Variants in GSN observed in about 807,000 individuals in gnomAD.
GSN encodes the protein actin-depolymerizing factor.
Under a neutral mutation model 85.7 loss-of-function variants are expected in GSN, and 56 were observed. The observed-to-expected ratio is 0.65, with a 90% CI of 0.53 to 0.82. GSN has a LOEUF of 0.82. Among genes scored for constraint, GSN ranks in the 40% least tolerant of loss-of-function variants. The pLI is 0.00. For missense variants in GSN, 857 were observed against 979.8 expected (o/e 0.87, Z 1.67); for synonymous variants, 373 against 399.1 (o/e 0.93, Z 0.78).
At chr9:121,219,867 C>CCTTT (rs1355986638) in intron 4 of GSN, among the ~76,000 whole-genome samples, 1 of 152,032 alleles carries the variant, frequency 6.6e-6, no homozygotes, top group Admixed American at 6.6e-5. Flanking sequence ...CCTACACTCC[C>CCTTT]CTTTCTTTTT....
intron 4 of GSN, among the ~76,000 whole-genome samples, chr9:121,211,596 A>G (rs1365444181): frequency 5.9e-5 from 9 of 152,214 alleles, no homozygotes; most frequent in Admixed American, 5.9e-4. Context: ...ACTGGGAATG[A>G]GAGCTTGAGG....
rs545210484 is a variant in GSN, at chr9:121,268,971, G to T, written c.-103+752G>T. 3.6e-3 allele frequency among the ~76,000 whole-genome samples: 555 copies of T among 152,346 alleles called. 6 individuals are homozygous for T. The highest frequency in any genetic ancestry group is 6.8e-3 in the Middle Eastern group (2 of 294). On this transcript the variant is annotated intron_variant, in intron 1 of 17. Transcript: ENST00000432226. ...AGGGGGAAGCCCCAGTCCTTGGAAG[G>T]CTGGGGGCTGGGGGTGTGGGTGAGC...
At chr9:121,265,939 G>C (rs767291348), upstream of GSN, among the ~76,000 whole-genome samples, 1 of 152,164 alleles carries the variant, frequency 6.6e-6, no homozygotes. Flanking sequence ...AAAGCACCAG[G>C]AGATTTCTAG....
At chr9:121,298,995 A>G (rs997100003) in intron 2 of GSN, among the ~76,000 whole-genome samples, 4 of 152,120 alleles carry the variant, frequency 2.6e-5, no homozygotes, top group Admixed American at 6.5e-5. Context: ...AAACAAAACA[A>G]CTTCAGGAAG....
At chr9:121,258,655 G>A (rs1307440622) in intron 6 of GSN, among the ~76,000 whole-genome samples, 1 of 151,904 alleles carries the variant, frequency 6.6e-6, no homozygotes, top group Admixed American at 6.6e-5. Context: ...CTCGTTAAAA[G>A]GCTACTCCAG....
the GSN span, among the ~76,000 whole-genome samples, chr9:121,202,056 G>A: frequency 6.6e-6 from 1 of 152,178 alleles, no homozygotes; most frequent in Non-Finnish European, 1.5e-5. Context: ...CCCGCCCCAC[G>A]GGCGCTCGCG....
chr9:121,224,197 C>T (rs1160517871), intron 4 of GSN, among the ~76,000 whole-genome samples: 3 of 150,828 alleles, frequency 2.0e-5, no homozygotes, highest in Non-Finnish European at 3.0e-5. Flanking sequence ...CCCATGTTCA[C>T]GCCATTCTCC....
upstream of GSN, among the ~76,000 whole-genome samples, chr9:121,206,067 G>A (rs1036206306): frequency 4.6e-5 from 7 of 151,512 alleles, no homozygotes; most frequent in African/African-American, 1.5e-4. Context: ...TAAAATACTG[G>A]TGTCCCAATT....
At chr9:121,312,289 G>A (rs889801359) in intron 5 of GSN, 50 bp from the exon 6 acceptor site, 5 of 1,600,254 alleles carry the variant, frequency 3.1e-6, no homozygotes, top group Non-Finnish European at 4.3e-6. Context: ...GTCGCTGGGC[G>A]GGGCTTATAG....
At chr9:121,231,891 A>G (rs1401759143) in intron 5 of GSN, among the ~76,000 whole-genome samples, 1 of 151,882 alleles carries the variant, frequency 6.6e-6, no homozygotes, top group Admixed American at 6.6e-5. Context: ...ACATGGTGAA[A>G]CCCCGTGTCT....
At chr9:121,222,196 C>T (rs2054183355) in intron 4 of GSN, 2 of 152,166 alleles carry the variant, frequency 1.3e-5, no homozygotes, top group Non-Finnish European at 2.9e-5. Context: ...TGTTTTCCAC[C>T]TACCTCTGCC....
At chr9:121,214,969 TCTCTC>T (rs2054033789) in intron 4 of GSN, among the ~76,000 whole-genome samples, 1 of 152,122 alleles carries the variant, frequency 6.6e-6, no homozygotes, top group Admixed American at 6.5e-5. Context: ...AAAAATGTGT[TCTCTC>T]ACAGTTCTGG....
At chr9:121,225,340 T>C (rs1222189123) in intron 4 of GSN, among the ~76,000 whole-genome samples, 1 of 152,200 alleles carries the variant, frequency 6.6e-6, no homozygotes, top group Non-Finnish European at 1.5e-5. Context: ...TCCCAGTCTT[T>C]TAAACACAAA....
intron 3 of GSN, chr9:121,210,662 A>G (rs562961501): frequency 6.6e-6 from 1 of 152,220 alleles, no homozygotes; most frequent in South Asian, 2.1e-4. Flanking sequence ...GATCACCGAC[A>G]TGCATGTGGT....
intron 4 of GSN, 40 bp downstream of exon 4, chr9:121,303,105 T>C (rs1231122493): frequency 1.2e-6 from 2 of 1,600,228 alleles, no homozygotes; most frequent in Non-Finnish European, 1.7e-6. Flanking sequence ...TAGGGACAGA[T>C]GCACCAGTAA....
intron 2 of GSN, among the ~76,000 whole-genome samples, chr9:121,210,083 T>C (rs1435889646): frequency 1.3e-5 from 2 of 152,140 alleles, no homozygotes; most frequent in African/African-American, 4.8e-5. Context: ...CCTTTATAGA[T>C]ATATTAGTTA....
chr9:121,210,138 A>G (rs2053946208), intron 2 of GSN: 1 of 152,210 alleles, frequency 6.6e-6, no homozygotes, highest in Admixed American at 6.5e-5. Context: ...CCAAAATCTC[A>G]GCGGATTTAA....
At chr9:121,271,640 A>T (rs1280975642) in intron 1 of GSN, among the ~76,000 whole-genome samples, 1 of 152,106 alleles carries the variant, frequency 6.6e-6, no homozygotes, top group Non-Finnish European at 1.5e-5. Flanking sequence ...AGAACTGGTA[A>T]GGGAGTTTGT....
intron 2 of GSN, among the ~76,000 whole-genome samples, chr9:121,291,370 G>A (rs920160310): frequency 1.5e-4 from 23 of 151,584 alleles, no homozygotes; most frequent in Admixed American, 2.0e-4. Context: ...CTGATCCCGC[G>A]TGGATAGGGA....
Sources: gnomAD v4.1 joint callset for allele counts (sites outside exome capture counted in the v4.1 genomes callset) on GRCh38, gnomAD v4.1.1 for gene constraint, MANE v1.5 for transcripts, NCBI Gene and HGNC (gene_info 2026-07-23, HGNC 2026-07-21) for gene names.